PIGK: variants seen among roughly 807,000 people sequenced by gnomAD.
PIGK encodes GPI-anchor transamidase.
A neutral mutation model predicts 50.6 loss-of-function variants in PIGK; 42 were observed. That is an observed-to-expected ratio of 0.83 (90% CI 0.65 to 1.07). PIGK has a LOEUF of 1.07. Ranked by LOEUF, PIGK falls within the 50% of genes least tolerant of loss-of-function variation. The probability of loss-of-function intolerance (pLI) is 0.00; values close to 1 mark genes in which losing one functional copy is unlikely to be tolerated. For missense variants in PIGK, 448 were observed against 488.7 expected (o/e 0.92, Z 0.78); for synonymous variants, 151 against 156.0 (o/e 0.97, Z 0.24).
At chr1:77,129,432 T>G in intron 9 of PIGK, 16 of 1,469,618 alleles carry the variant, frequency 1.1e-5, no homozygotes, top group Non-Finnish European at 1.5e-5. Context: ...ACTTAAGGGT[T>G]TAGATGTAGA....
chr1:77,121,609 T>C (rs1266310643), intron 10 of PIGK, among the ~76,000 whole-genome samples: 4 of 152,180 alleles, frequency 2.6e-5, no homozygotes, highest in Non-Finnish European at 5.9e-5. Flanking sequence ...AATATGTAAG[T>C]TTCTGAAATC....
intron 1 of PIGK, among the ~76,000 whole-genome samples, chr1:77,216,638 G>GTGT (rs1557435367): frequency 1.1e-4 from 17 of 151,208 alleles, no homozygotes; most frequent in Non-Finnish European, 2.1e-4. Flanking sequence ...TGTGTGGGGG[G>GTGT]GTGTGTGTGT....
chr1:77,130,297 C>CAAAAA lies in PIGK; in HGVS notation c.987-7943_987-7939dup, dbSNP rs749423746. Among the ~76,000 whole-genome samples, 107 of 41,504 alleles carry CAAAAA rather than the reference C, an allele frequency of 2.6e-3. 16 individuals carry two copies. The highest frequency in any genetic ancestry group is 4.1e-3 in the Non-Finnish European group (91 of 22,284). The allele number at this position is 41,504 out of a possible 152,430, so 27.2% of individuals were successfully genotyped here. On this transcript the variant is annotated intron_variant, in intron 9 of 10. Transcript: ENST00000370812. Reference sequence around the variant, plus strand: ...TGTGACACCTTTCCCTACTCCTAAGCAAAAAAAAAAAAAAAAAAAAAAAAA... The same window carrying CAAAAA: ...TGTGACACCTTTCCCTACTCCTAAGCAAAAAAAAAAAAAAAAAAAAAAAAAAAAAA...
chr1:77,142,613 A>G (rs753018014), intron 9 of PIGK, among the ~76,000 whole-genome samples: 25 of 152,168 alleles, frequency 1.6e-4, no homozygotes, highest in African/African-American at 5.8e-4. Context: ...GAAACTTACG[A>G]ACATGGCAGA....
At chr1:77,211,442 T>A (rs1166991541) in intron 1 of PIGK, among the ~76,000 whole-genome samples, 1 of 152,044 alleles carries the variant, frequency 6.6e-6, no homozygotes, top group East Asian at 1.9e-4. Flanking sequence ...TGTACTCTGA[T>A]AATTCCTCTA....
At chr1:77,123,787 C>A (rs902009490) in intron 9 of PIGK, among the ~76,000 whole-genome samples, 6 of 151,906 alleles carry the variant, frequency 3.9e-5, no homozygotes, top group African/African-American at 1.5e-4. Flanking sequence ...TAAAATGATA[C>A]GTTTTATGTT....
chr1:77,161,513 C>T, intron 7 of PIGK, 81 bp downstream of exon 7: 3 of 946,516 alleles, frequency 3.2e-6, no homozygotes, highest in Admixed American at 1.7e-5. Context: ...AGAACAGATA[C>T]ATTCATAAAG....
intron 3 of PIGK, among the ~76,000 whole-genome samples, chr1:77,171,436 C>CA (rs58788160): frequency 0.029 from 1,343 of 46,818 alleles, 169 homozygotes; most frequent in South Asian, 0.1. Context: ...GACTCCACCT[C>CA]AAAAAAAAAA....
chr1:77,126,511 A>G (rs149291168), intron 9 of PIGK, among the ~76,000 whole-genome samples: 389 of 152,170 alleles, frequency 2.6e-3, no homozygotes, highest in African/African-American at 9.0e-3. Context: ...TAAAAAAAAA[A>G]TCATCTTGTT....
chr1:77,190,270 G>A (rs756086711), intron 3 of PIGK, among the ~76,000 whole-genome samples: 12 of 151,918 alleles, frequency 7.9e-5, no homozygotes, highest in East Asian at 3.9e-4. Flanking sequence ...TTGTGATATC[G>A]CATGGCTGTA....
chr1:77,145,264 T>G (rs779046633), intron 9 of PIGK, among the ~76,000 whole-genome samples: 2 of 151,918 alleles, frequency 1.3e-5, no homozygotes, highest in Non-Finnish European at 2.9e-5. Flanking sequence ...TATACTATAG[T>G]AGGTCCTTTA....
intron 6 of PIGK, among the ~76,000 whole-genome samples, chr1:77,163,506 G>T (rs1397769965): frequency 6.6e-6 from 1 of 152,008 alleles, no homozygotes; most frequent in East Asian, 1.9e-4. Flanking sequence ...GCCAAAGAAT[G>T]AGCTAGAAAG....
intron 10 of PIGK, among the ~76,000 whole-genome samples, chr1:77,118,630 A>G (rs1654029989): frequency 6.6e-6 from 1 of 152,216 alleles, no homozygotes; most frequent in African/African-American, 2.4e-5. Flanking sequence ...TTAAGCTTTA[A>G]TCCTATTGGA....
chr1:77,153,631 A>G (rs1054828786), intron 9 of PIGK: 12 of 145,160 alleles, frequency 8.3e-5, no homozygotes, highest in South Asian at 2.1e-4. Context: ...TTATACATCA[A>G]TTAAAAAAAA....
chr1:77,215,790 C>T (rs894230573), intron 1 of PIGK, among the ~76,000 whole-genome samples: 11 of 152,020 alleles, frequency 7.2e-5, no homozygotes, highest in Non-Finnish European at 1.6e-4. Context: ...TAAACAGGTA[C>T]GTGGATGAAC....
intron 9 of PIGK, among the ~76,000 whole-genome samples, chr1:77,128,409 C>T (rs1654277436): frequency 6.6e-6 from 1 of 152,190 alleles, no homozygotes. Flanking sequence ...AATGCACACA[C>T]CAGTTAAATA....
intron 9 of PIGK, among the ~76,000 whole-genome samples, chr1:77,134,847 A>AT (rs1425355788): frequency 6.6e-6 from 1 of 152,124 alleles, no homozygotes; most frequent in African/African-American, 2.4e-5. Flanking sequence ...AGTCCCAAGT[A>AT]TTTTTTTAAT....
chr1:77,181,864 C>T (rs1258514148), intron 3 of PIGK, among the ~76,000 whole-genome samples: 1 of 152,202 alleles, frequency 6.6e-6, no homozygotes, highest in African/African-American at 2.4e-5. Context: ...CTCCTCCCTT[C>T]CCATGTCTTG....
At chr1:77,214,928 GA>G (rs1489158756) in intron 1 of PIGK, among the ~76,000 whole-genome samples, 1 of 151,882 alleles carries the variant, frequency 6.6e-6, no homozygotes, top group Non-Finnish European at 1.5e-5. Flanking sequence ...AAACACCTAG[GA>G]ATAAATTTAA....
Sources: allele counts gnomAD v4.1 joint callset (sites outside exome capture counted in the v4.1 genomes callset), GRCh38; gene constraint gnomAD v4.1.1; transcripts MANE v1.5; gene names NCBI Gene and HGNC (gene_info 2026-07-23, HGNC 2026-07-21).